GNG7: variants seen among roughly 807,000 people sequenced by gnomAD.
The protein encoded by GNG7 is G protein subunit gamma 7, also known as guanine nucleotide-binding protein G(I)/G(S)/G(O) subunit gamma-7.
A neutral mutation model predicts 4.0 loss-of-function variants in GNG7; 1 was observed. That is an observed-to-expected ratio of 0.25 (90% CI 0.09 to 1.18). The LOEUF is 1.18. GNG7 is among the 50% of genes most tolerant of loss of function. GNG7 has a pLI of 0.50. For synonymous variants in GNG7, 34 were observed against 36.9 expected (o/e 0.92, Z 0.29); for missense variants, 86 against 91.9 (o/e 0.94, Z 0.26).
chr19:2,527,856 T>G (rs1469017066), intron 3 of GNG7, among the ~76,000 whole-genome samples: 1 of 151,444 alleles, frequency 6.6e-6, no homozygotes, highest in Admixed American at 6.7e-5. Context: ...GGGGGAAAAT[T>G]TTAGGCCTTT....
intron 3 of GNG7, among the ~76,000 whole-genome samples, chr19:2,539,429 C>G (rs184875875): frequency 6.6e-6 from 1 of 151,832 alleles, no homozygotes; most frequent in East Asian, 1.9e-4. Flanking sequence ...CTCAGCCTCC[C>G]GAGCAGCTGG....
At chr19:2,526,750 AT>A (rs1978410285) in intron 3 of GNG7, among the ~76,000 whole-genome samples, 1 of 149,976 alleles carries the variant, frequency 6.7e-6, no homozygotes, top group African/African-American at 2.4e-5. Context: ...TTGATTTTAT[AT>A]TTGTATTTAT....
Position 2,511,648 on chromosome 19 carries a change from G to T in GNG7, c.*3374C>A. ...CCTACCTGCCCCAGAACTTGGGCAG[G>T]ACGGGCTGTTAACTTGGAGATGGAT... On this transcript the variant is annotated 3_prime_UTR_variant, in exon 5 of 5. Transcript: ENST00000382159. This position sits in a 1 kb window ranked among gnomAD's most constrained non-coding sequence, Gnocchi z 6.3. 1 of 284,918 alleles carries T rather than the reference G, an allele frequency of 3.5e-6. No homozygotes were observed. Among genetic ancestry groups the T allele is most frequent in the Non-Finnish European group, 5.3e-6 (1 of 189,160 alleles). 17.6% of individuals were successfully genotyped at this position (284,918 alleles called of 1,614,324 possible).
intron 1 of GNG7, among the ~76,000 whole-genome samples, chr19:2,681,889 C>T (rs1194610974): frequency 6.6e-6 from 1 of 152,136 alleles, no homozygotes; most frequent in African/African-American, 2.4e-5. Flanking sequence ...AGCATGTTTT[C>T]AAGTGAAACT....
At chr19:2,526,113 G>A (rs992531885) in intron 3 of GNG7, among the ~76,000 whole-genome samples, 13 of 152,004 alleles carry the variant, frequency 8.6e-5, no homozygotes, top group African/African-American at 3.1e-4. Context: ...TGAGACTACA[G>A]GCGCCCGCCA....
At chr19:2,679,934 A>G (rs142856588) in intron 1 of GNG7, among the ~76,000 whole-genome samples, 22 of 152,228 alleles carry the variant, frequency 1.4e-4, no homozygotes, top group African/African-American at 4.8e-4. Context: ...AGAACCAGTC[A>G]GTGTCCACAG....
rs1981498698 is a variant in GNG7 at position 2,609,616 on chromosome 19, CAG to C, written c.-78+36606_-78+36607del. ...ACCACGTCCCGAGTGCCAGAGCAGA[CAG>C]GGTCCCACCTGTTACCGTCTTGGAC... On this transcript the variant is annotated intron_variant, in intron 2 of 4. Transcript: ENST00000382159. The surrounding 1 kb of genome is among the most constrained non-coding windows in gnomAD (Gnocchi z 4.4). Among the ~76,000 whole-genome samples, 1 of 152,224 alleles carries C rather than the reference CAG, an allele frequency of 6.6e-6. No homozygotes were observed. Among genetic ancestry groups the C allele is most frequent in the South Asian group, 2.1e-4 (1 of 4,838 alleles).
At chr19:2,575,166 C>G (rs1190427033) in intron 2 of GNG7, among the ~76,000 whole-genome samples, 1 of 150,852 alleles carries the variant, frequency 6.6e-6, no homozygotes, top group Non-Finnish European at 1.5e-5. Context: ...CTTACTGCAG[C>G]CTGGACCTCC....
chr19:2,567,798 C>G (rs1450432422), intron 2 of GNG7, among the ~76,000 whole-genome samples: 1 of 152,150 alleles, frequency 6.6e-6, no homozygotes, highest in Non-Finnish European at 1.5e-5. Flanking sequence ...TAAAAGGTCA[C>G]AAGTCTCCTC....
chr19:2,648,881 T>TG (rs377527511), intron 1 of GNG7, among the ~76,000 whole-genome samples: 2 of 149,124 alleles, frequency 1.3e-5, no homozygotes, highest in African/African-American at 5.1e-5. Context: ...TGTTTTTTTT[T>TG]TTGTTTTTTG....
At position 2,614,756 on chromosome 19, in the gene GNG7, A is replaced by G. The variant is rs1366153789; in HGVS notation, c.-78+31468T>C. Among the ~76,000 whole-genome samples, 1 of 152,222 alleles carries G rather than the reference A, an allele frequency of 6.6e-6. No individual in the cohort carries two copies. Among genetic ancestry groups the G allele is most frequent in the Non-Finnish European group, 1.5e-5 (1 of 68,038 alleles). Reference sequence around the variant, plus strand: ...TCGTACTGTATGAACATTTGTGGCAAGGTTCTATTTGAACACCTGCTTCCA... The same window carrying G: ...TCGTACTGTATGAACATTTGTGGCAGGGTTCTATTTGAACACCTGCTTCCA... On this transcript the variant is annotated intron_variant, in intron 2 of 4. Transcript: ENST00000382159. The surrounding 1 kb of genome is among the most constrained non-coding windows in gnomAD (Gnocchi z 6.0).
chr19:2,551,608 C>A (rs1568240141), intron 3 of GNG7, among the ~76,000 whole-genome samples: 6 of 147,166 alleles, frequency 4.1e-5, no homozygotes, highest in Admixed American at 1.4e-4. Context: ...AATATATAAA[C>A]AAATATATAT....
At chr19:2,554,349 G>A (rs1463082407) in intron 3 of GNG7, among the ~76,000 whole-genome samples, 1 of 148,084 alleles carries the variant, frequency 6.8e-6, no homozygotes, top group Non-Finnish European at 1.5e-5. Context: ...ACCACACTGG[G>A]TATATTTTTT....
At position 2,535,187 on chromosome 19, in the gene GNG7, C is replaced by G. The variant is rs1012985322; in HGVS notation, c.-37-14462G>C. ...TGTATGCCTACTGGACTGTCAGCCT[C>G]ATGAGGCCAAAGATCTGGGGGCTGG... On this transcript the variant is annotated intron_variant, in intron 3 of 4. Coordinates refer to ENST00000382159, the MANE Select transcript of GNG7 (RefSeq NM_052847.3). Among the ~76,000 whole-genome samples, 9 of 152,068 alleles carry G rather than the reference C, an allele frequency of 5.9e-5. 1 individual carries two copies. Among genetic ancestry groups the G allele is most frequent in the Non-Finnish European group, 8.8e-5 (6 of 68,006 alleles).
intron 1 of GNG7, among the ~76,000 whole-genome samples, chr19:2,689,837 G>C (rs553406584): frequency 6.6e-6 from 1 of 151,962 alleles, no homozygotes; most frequent in Non-Finnish European, 1.5e-5. Context: ...GGGCCAACAC[G>C]CTTTTTCGGT....
chr19:2,571,052 T>C (rs1049404164), intron 2 of GNG7, among the ~76,000 whole-genome samples: 7 of 152,082 alleles, frequency 4.6e-5, no homozygotes, highest in Non-Finnish European at 8.8e-5. Flanking sequence ...TCCACCCACC[T>C]TGGCCTCCCA....
rs1972674850 is a variant in GNG7, at chr19:2,512,855, G to C, written c.*2167C>G. On this transcript the variant is annotated 3_prime_UTR_variant, in exon 5 of 5. Coordinates refer to ENST00000382159, the MANE Select transcript of GNG7 (RefSeq NM_052847.3). The surrounding 1 kb of genome is among the most constrained non-coding windows in gnomAD (Gnocchi z 4.7). ...TGCCTGGGGTCCTCCCAGGGTCTCTGGAACAGGCTTTTGTCCCTTCCTGCC... is the reference window on the plus strand; with the variant it reads ...TGCCTGGGGTCCTCCCAGGGTCTCTCGAACAGGCTTTTGTCCCTTCCTGCC... 3 of 973,734 alleles carry C rather than the reference G, an allele frequency of 3.1e-6. No homozygotes were observed. Among genetic ancestry groups the C allele is most frequent in the Admixed American group, 1.2e-4 (2 of 16,242 alleles). 60.3% of individuals were successfully genotyped at this position (973,734 alleles called of 1,614,324 possible). A position where few individuals can be genotyped will look rare whatever the true frequency, so the allele number is the denominator to read the frequency against.
intron 3 of GNG7, among the ~76,000 whole-genome samples, chr19:2,539,310 T>C (rs1373788144): frequency 7.9e-6 from 1 of 126,786 alleles, no homozygotes; most frequent in Non-Finnish European, 1.7e-5. Context: ...TATACCAACT[T>C]TTTTTTTTTT....
At chr19:2,538,657 A>C in intron 3 of GNG7, 1 of 451,298 alleles carries the variant, frequency 2.2e-6, no homozygotes, top group Non-Finnish European at 4.5e-6. Flanking sequence ...AAAGGCATGC[A>C]TATATTTTAC....
Sources: allele counts gnomAD v4.1 joint callset (sites outside exome capture counted in the v4.1 genomes callset), GRCh38; gene constraint gnomAD v4.1.1; non-coding constraint Gnocchi (gnomAD v3.1); transcripts MANE v1.5; gene names NCBI Gene and HGNC (gene_info 2026-07-23, HGNC 2026-07-21).